The following FGD3 variants were observed in gnomAD, a reference collection of about 807,000 sequenced individuals.
FGD3 encodes the protein FYVE, RhoGEF and PH domain-containing protein 3.
FGD3 carries 45 observed loss-of-function variants against 71.8 expected under a neutral mutation model. The observed-to-expected ratio is 0.63, with a 90% CI of 0.49 to 0.80. The LOEUF (loss-of-function observed/expected upper bound fraction) is 0.80. FGD3 is among the 30% of genes least tolerant of loss of function. The pLI is 0.00. For synonymous variants in FGD3, 378 were observed against 392.8 expected, an observed-to-expected ratio of 0.96 and a Z score of 0.44; for missense variants, 844 against 951.5, an observed-to-expected ratio of 0.89 and a Z score of 1.49.
At position 93,003,790 on chromosome 9, in the gene FGD3, T is replaced by G. The variant is rs1860945506; in HGVS notation, c.544-211T>G. Among the ~76,000 whole-genome samples the G allele has an allele frequency of 6.6e-6, 1 of 152,202 alleles. No homozygotes were observed. Among genetic ancestry groups the G allele is most frequent in the Admixed American group, 6.5e-5 (1 of 15,274 alleles). On this transcript the variant is annotated intron_variant, in intron 4 of 17. Coordinates refer to ENST00000375482, the MANE Select transcript of FGD3 (RefSeq NM_001083536.2). The surrounding 1 kb of genome is among the most constrained non-coding windows in gnomAD (Gnocchi z 4.1). ...GCGACTGTCCCTGCCTCACCCACAT[T>G]CGTAAGTCATAAGTGAGCTTGCATT... is the stretch of plus-strand genomic sequence containing the variant.
intron 3 of FGD3, among the ~76,000 whole-genome samples, chr9:92,985,508 TGCTCTTGTTGCCCAG>T (rs1487700267): frequency 6.6e-6 from 1 of 152,246 alleles, no homozygotes; most frequent in Non-Finnish European, 1.5e-5. Flanking sequence ...GACAGAGTTT[TGCTCTTGTTGCCCAG>T]GCTGGAGTGC....
At chr9:93,032,046 A>T (rs944027707) in intron 15 of FGD3, among the ~76,000 whole-genome samples, 5 of 152,208 alleles carry the variant, frequency 3.3e-5, no homozygotes, top group Admixed American at 2.6e-4. Context: ...CCACCCATGC[A>T]TCTGAATCAC....
chr9:92,988,304 C>T (rs1366577599), intron 3 of FGD3, among the ~76,000 whole-genome samples: 2 of 152,204 alleles, frequency 1.3e-5, no homozygotes, highest in Admixed American at 1.3e-4. Flanking sequence ...CACCCCATTT[C>T]CCCAGTACCT....
rs1041073000 is a variant in FGD3, at chr9:93,019,894, G to A, written c.1386+33G>A. 12 of 1,612,526 alleles carry A rather than the reference G, an allele frequency of 7.4e-6. No homozygotes were observed. The East Asian group carries it at 2.7e-4, about 36-fold the overall frequency. On this transcript the variant is annotated intron_variant, in intron 12 of 17. Coordinates refer to ENST00000375482, the MANE Select transcript of FGD3 (RefSeq NM_001083536.2). Reference sequence around the variant, plus strand: ...TTCTAAAGTTGTAAAGTAACCAAATGACCAAGTGATTGAGCAGTAAGGCCA... The same window carrying A: ...TTCTAAAGTTGTAAAGTAACCAAATAACCAAGTGATTGAGCAGTAAGGCCA...
At chr9:93,008,658 G>T (rs1474406753) in intron 6 of FGD3, among the ~76,000 whole-genome samples, 2 of 152,154 alleles carry the variant, frequency 1.3e-5, no homozygotes, top group Non-Finnish European at 2.9e-5. Flanking sequence ...GTGAAGTTGG[G>T]TTTTTTCCCC....
intron 9 of FGD3, among the ~76,000 whole-genome samples, chr9:93,015,109 T>C (rs1233072890): frequency 6.6e-6 from 1 of 152,204 alleles, no homozygotes; most frequent in Non-Finnish European, 1.5e-5. Context: ...TAGCTCACCA[T>C]GTGGGTTTGA....
At chr9:92,985,491 G>T (rs1174649949) in intron 3 of FGD3, among the ~76,000 whole-genome samples, 1 of 152,146 alleles carries the variant, frequency 6.6e-6, no homozygotes, top group Non-Finnish European at 1.5e-5. Context: ...TTATTTGTTT[G>T]TTTTTTGACA....
rs55839347 is a variant in FGD3, at chr9:93,035,473, G to A, written c.2062G>A (p.Ala688Thr). The stretch of plus-strand genomic sequence containing the variant: ...GTCCTGGTACCTGAGCGCCTCCTCC[G>A]CAGAGCTGCAGCAGCAGTGGCTGGA... ...KQSWYLSASS[A>T]ELQQQWLETL... The change falls in exon 18 of 18, where the codon GCA (alanine) becomes ACA (threonine). Residue 688 changes from alanine to threonine, a missense_variant. By Grantham distance (58) the Ala-to-Thr change is moderately conservative (BLOSUM62 0). Transcript: ENST00000375482. 9.8e-4 allele frequency: 1,587 copies of A among 1,613,510 alleles called. 3 individuals carry two copies. The highest frequency in any genetic ancestry group is 1.2e-3 in the Non-Finnish European group (1,471 of 1,179,958).
intron 11 of FGD3, among the ~76,000 whole-genome samples, chr9:93,019,018 T>C (rs1861812206): frequency 6.6e-6 from 1 of 152,088 alleles, no homozygotes; most frequent in Non-Finnish European, 1.5e-5. Context: ...GCTAATTTTT[T>C]GTTTGAGTGA....
intron 3 of FGD3, among the ~76,000 whole-genome samples, chr9:92,989,950 A>C (rs1405719255): frequency 1.4e-5 from 2 of 140,848 alleles, no homozygotes; most frequent in Admixed American, 1.4e-4. Flanking sequence ...CTTTTTCATT[A>C]AATGTATTCC....
intron 3 of FGD3, among the ~76,000 whole-genome samples, chr9:92,999,562 G>T (rs1309031260): frequency 1.3e-5 from 2 of 150,250 alleles, no homozygotes; most frequent in African/African-American, 4.9e-5. Flanking sequence ...GCAGACTGGA[G>T]CTTTTCCTAT....
chr9:92,950,666 G>C (rs899906080), intron 1 of FGD3, among the ~76,000 whole-genome samples: 9 of 152,186 alleles, frequency 5.9e-5, no homozygotes, highest in Admixed American at 2.0e-4. Context: ...ATTCAAGGCT[G>C]GCAAATGTAG....
At chr9:92,956,399 G>T (rs1419604535) in intron 1 of FGD3, among the ~76,000 whole-genome samples, 1 of 152,124 alleles carries the variant, frequency 6.6e-6, no homozygotes, top group Admixed American at 6.6e-5. Flanking sequence ...CAGTACCTCC[G>T]AATGTAACTG....
chr9:92,963,034 C>G (rs1406823305), intron 1 of FGD3, among the ~76,000 whole-genome samples: 1 of 152,138 alleles, frequency 6.6e-6, no homozygotes, highest in Non-Finnish European at 1.5e-5. Context: ...CACTGTCCAC[C>G]CCATCCTTGT....
intron 1 of FGD3, among the ~76,000 whole-genome samples, chr9:92,961,895 G>A (rs1158240664): frequency 6.6e-6 from 1 of 152,192 alleles, no homozygotes; most frequent in Non-Finnish European, 1.5e-5. Context: ...AGCAAGGAAA[G>A]GCAAAAGCTG....
At position 93,011,199 on chromosome 9, in the gene FGD3, G is replaced by A. The variant is rs1432419762; in HGVS notation, c.977-15G>A. 1 of 1,614,104 alleles carries A rather than the reference G, an allele frequency of 6.2e-7. No homozygotes were observed. ...CCACCGTGGCCCCAGGCTGAACACA[G>A]TCTTCTTCCTGCAGGGTCCTTGGAG... is the stretch of plus-strand genomic sequence containing the variant. On this transcript the variant is annotated splice_polypyrimidine_tract_variant and intron_variant, in intron 7 of 17. Coordinates refer to ENST00000375482, the MANE Select transcript of FGD3 (RefSeq NM_001083536.2).
At chr9:93,013,042 G>A (rs913463651) in intron 8 of FGD3, among the ~76,000 whole-genome samples, 3 of 152,082 alleles carry the variant, frequency 2.0e-5, no homozygotes, top group African/African-American at 7.2e-5. Context: ...GTGGGCAGGT[G>A]CACACCCAGC....
chr9:92,972,606 G>A (rs1010701657), intron 1 of FGD3, among the ~76,000 whole-genome samples: 4 of 152,142 alleles, frequency 2.6e-5, no homozygotes, highest in African/African-American at 7.2e-5. Context: ...AGGATTTCTT[G>A]TGCTTGTTTT....
At chr9:93,016,216 TG>T (rs1587859372) in intron 10 of FGD3, among the ~76,000 whole-genome samples, 1 of 151,882 alleles carries the variant, frequency 6.6e-6, no homozygotes, top group Admixed American at 6.6e-5. Flanking sequence ...CAATCCTGGC[TG>T]GGGCGGGGGC....
Sources: allele counts gnomAD v4.1 joint callset (sites outside exome capture counted in the v4.1 genomes callset), GRCh38; gene constraint gnomAD v4.1.1; non-coding constraint Gnocchi (gnomAD v3.1); transcripts MANE v1.5; gene names NCBI Gene and HGNC (gene_info 2026-07-23, HGNC 2026-07-21).